The following TNPO2 variants were observed in gnomAD, a reference collection of about 807,000 sequenced individuals.
The protein encoded by TNPO2 is transportin 2.
A neutral mutation model predicts 111.1 loss-of-function variants in TNPO2; 16 were observed. That is an observed-to-expected ratio of 0.14 (90% confidence interval 0.10 to 0.22). The LOEUF is 0.22. Among genes scored for constraint, TNPO2 ranks in the 10% least tolerant of loss-of-function variants. The probability of loss-of-function intolerance (pLI) is 1.00; values close to 1 mark genes in which losing one functional copy is unlikely to be tolerated. For missense variants in TNPO2, 530 were observed against 1,173.7 expected (o/e 0.45, Z 8.01); for synonymous variants, 481 against 475.8 (o/e 1.01, Z -0.14).
At chr19:12,722,417 C>T (rs1181404947) in intron 2 of TNPO2, 1 of 150,872 alleles carries the variant, frequency 6.6e-6, no homozygotes, top group Non-Finnish European at 1.5e-5. Flanking sequence ...GCTCGGTGCC[C>T]GGCGGGGGTC....
chr19:12,711,496 A>G, intron 11 of TNPO2, 35 bp from the exon 12 acceptor site: 11 of 1,613,696 alleles, frequency 6.8e-6, no homozygotes, highest in Non-Finnish European at 9.3e-6. Flanking sequence ...TACTTTGGGG[A>G]CCACAGCCGC....
In TNPO2 at chr19:12,703,450, A is replaced by G; in HGVS notation, c.2187T>C (p.Ile729=). 1 of 1,613,884 alleles carries G rather than the reference A, an allele frequency of 6.2e-7. No individual in the cohort carries two copies. ...CACCCATCTGCATGCAGATTTCACC[A>G]ATGGCCCAGGTGGCGTTGTTGCAGA... The part of the protein sequence containing the change: ...ISVCNNATWA[I]GEICMQMGAE... The change falls in exon 20 of 26, where the codon ATT becomes ATC. Residue 729 remains isoleucine (I), a synonymous_variant. Coordinates refer to ENST00000425528, the MANE Select transcript of TNPO2 (RefSeq NM_001382241.1).
Position 12,706,182 on chromosome 19 carries a change from C to T in TNPO2, c.1668+14G>A. The T allele has an allele frequency of 6.2e-7, 1 of 1,612,498 alleles. No homozygotes were observed. The highest frequency in any genetic ancestry group is 8.5e-7 in the Non-Finnish European group (1 of 1,179,272). ...CACGGGGATCGGGAGGCGGGAGCCG[C>T]TCTGGGGTCTCACCGGCTGGTTGAG... On this transcript the variant is annotated intron_variant, in intron 15 of 25. Coordinates refer to ENST00000425528, the MANE Select transcript of TNPO2 (RefSeq NM_001382241.1). The surrounding 1 kb of genome is among the most constrained non-coding windows in gnomAD (Gnocchi z 7.0).
In TNPO2 at chr19:12,711,477, A is replaced by T; in HGVS notation, c.952-16T>A. 1 of 1,613,740 alleles carries T rather than the reference A, an allele frequency of 6.2e-7. No homozygotes were observed. The highest frequency in any genetic ancestry group is 8.5e-7 in the Non-Finnish European group (1 of 1,179,748). ...CCACATCCCCCTGGGGGACAGGCAG[A>T]CTGTTAAGTACTTTGGGGACCACAG... On this transcript the variant is annotated splice_polypyrimidine_tract_variant and intron_variant, in intron 11 of 25. Transcript: ENST00000425528.
chr19:12,713,655 G>A (rs757241108), intron 10 of TNPO2, among the ~76,000 whole-genome samples: 28 of 152,166 alleles, frequency 1.8e-4, no homozygotes, highest in Non-Finnish European at 2.9e-4. Flanking sequence ...GCAGTGAGCC[G>A]AGATTGTGCC....
intron 3 of TNPO2, among the ~76,000 whole-genome samples, chr19:12,720,353 G>A (rs965783604): frequency 1.3e-5 from 2 of 151,818 alleles, no homozygotes; most frequent in African/African-American, 4.8e-5. Context: ...GTCTGGCTCT[G>A]TCGCCCAGGG....
chr19:12,711,327 ATCG>A lies in TNPO2; in HGVS notation c.1083_1085del (p.Asp365del). On this transcript the variant is annotated inframe_deletion, in exon 12 of 26. Coordinates refer to ENST00000425528, the MANE Select transcript of TNPO2 (RefSeq NM_001382241.1). ...TCCAGTCGGACAGAGCATCATCATC[ATCG>A]TCATCCTCCGCGTCCTCGGAGCCAT... is the stretch of plus-strand genomic sequence containing the variant. 1 of 1,613,912 alleles carries A rather than the reference ATCG, an allele frequency of 6.2e-7. No homozygotes were observed. The highest frequency in any genetic ancestry group is 8.5e-7 in the Non-Finnish European group (1 of 1,179,886).
chr19:12,719,068 T>C lies in TNPO2; in HGVS notation c.286A>G (p.Asn96Asp). ...ATGAGCGAGGAGGCATCGCCAATGT[T>C]GTTGAGACACTCCTGTTTGATGAAG... ...ADFIKQECLNNIGDASSLIRA... is the reference protein window; with the variant it reads ...ADFIKQECLNDIGDASSLIRA... Residue 96 changes from asparagine (N) to aspartate (D), a missense_variant, in exon 5 of 26, where the codon AAC becomes GAC. This residue lies in a region of TNPO2 where 156 missense variants were observed against 405.8 expected (regional missense o/e 0.38). Coordinates refer to ENST00000425528, the MANE Select transcript of TNPO2 (RefSeq NM_001382241.1). This position sits in a 1 kb window ranked among gnomAD's most constrained non-coding sequence, Gnocchi z 5.0. 1 of 1,613,946 alleles carries C rather than the reference T, an allele frequency of 6.2e-7. No homozygotes were observed. The highest frequency in any genetic ancestry group is 8.5e-7 in the Non-Finnish European group (1 of 1,179,892).
Position 12,705,129 on chromosome 19 carries a change from G to T in TNPO2, c.2022+111C>A, listed in dbSNP as rs971166810. ...CCAGGATTACTCTTTAAAATAATTA[G>T]AACAGCACCTTTTCCCTGATTTCCT... is the stretch of plus-strand genomic sequence containing the variant. On this transcript the variant is annotated intron_variant, in intron 18 of 25. Transcript: ENST00000425528. The surrounding 1 kb of genome is among the most constrained non-coding windows in gnomAD (Gnocchi z 7.2). The T allele has an allele frequency of 1.8e-5, 21 of 1,164,692 alleles. No homozygotes were observed. In the African/African-American group the frequency reaches 1.8e-4, roughly 10 times the overall value. 72.1% of individuals were successfully genotyped at this position (1,164,692 alleles called of 1,614,324 possible).
At chr19:12,704,676 ATTTTC>A (rs1345725260) in intron 18 of TNPO2, among the ~76,000 whole-genome samples, 5 of 133,372 alleles carry the variant, frequency 3.7e-5, no homozygotes, top group East Asian at 2.2e-4. Flanking sequence ...CACATTTTCT[ATTTTC>A]TTTTCTTTCT....
chr19:12,710,896 TTTG>T, intron 12 of TNPO2, 123 bp from the exon 13 acceptor site: 2 of 1,103,334 alleles, frequency 1.8e-6, no homozygotes, highest in Non-Finnish European at 1.2e-6. Flanking sequence ...CTTCTTTTTT[TTTG>T]TTTTGTTTTT....
chr19:12,716,825 A>T (rs1268259721), intron 5 of TNPO2, among the ~76,000 whole-genome samples: 1 of 152,082 alleles, frequency 6.6e-6, no homozygotes, highest in African/African-American at 2.4e-5. Context: ...CGAGGGAGGA[A>T]TCATCCAGGT....
chr19:12,715,548 G>C lies in TNPO2; in HGVS notation c.433-10C>G. 1.2e-6 allele frequency: 2 copies of C among 1,613,892 alleles called. No homozygotes were observed. Among genetic ancestry groups the C allele is most frequent in the Non-Finnish European group, 8.5e-7 (1 of 1,179,796 alleles). Reference sequence around the variant, plus strand: ...GGGCTCCAAAGGCTCCCTGAGTGCAGAGGGGCAGAGAGACAAACGTGGGTG... The same window carrying C: ...GGGCTCCAAAGGCTCCCTGAGTGCACAGGGGCAGAGAGACAAACGTGGGTG... On this transcript the variant is annotated splice_polypyrimidine_tract_variant and intron_variant, in intron 6 of 25. Transcript: ENST00000425528. This position sits in a 1 kb window ranked among gnomAD's most constrained non-coding sequence, Gnocchi z 7.1.
chr19:12,708,700 G>A lies in TNPO2; in HGVS notation c.1271-1905C>T, dbSNP rs138807916. Among the ~76,000 whole-genome samples, 919 of 151,586 alleles carry A rather than the reference G, an allele frequency of 6.1e-3. 10 individuals are homozygous for A. Among genetic ancestry groups the A allele is most frequent in the African/African-American group, 0.021 (877 of 41,258 alleles). ...TGACCAACACAGTGAAAGAAACCCC[G>A]TCTCTGCTAAAAATACAAAAATCAG... On this transcript the variant is annotated intron_variant, in intron 13 of 25. Coordinates refer to ENST00000425528, the MANE Select transcript of TNPO2 (RefSeq NM_001382241.1).
Position 12,702,765 on chromosome 19 carries a change from G to T in TNPO2, c.2305+58C>A. On this transcript the variant is annotated intron_variant, in intron 21 of 25. Transcript: ENST00000425528. The surrounding 1 kb of genome is among the most constrained non-coding windows in gnomAD (Gnocchi z 5.5). ...TCTTTCTGATGCCCTTCCCAGCCCA[G>T]AACCCCACCTCCAGAAGGCAGGCAG... The T allele has an allele frequency of 6.6e-7, 1 of 1,525,240 alleles. No homozygotes were observed. Among genetic ancestry groups the T allele is most frequent in the Non-Finnish European group, 9.1e-7 (1 of 1,101,288 alleles). 94.5% of individuals were successfully genotyped at this position (1,525,240 alleles called of 1,614,324 possible).
Position 12,714,937 on chromosome 19 carries a change from G to A in TNPO2, c.774C>T (p.Tyr258=), listed in dbSNP as rs370213158. The stretch of plus-strand genomic sequence containing the variant: ...CATGGTCCTGGGTCCTCTGCAGCAT[G>A]TACTGTGGTAGGGGGGAGAAGCTGA... ...LIPHMHSIIQ[Y]MLQRTQDHDE... Residue 258 remains tyrosine (Y), a splice_region_variant and synonymous_variant, in exon 10 of 26, where the codon TAC becomes TAT. Transcript: ENST00000425528. 4 of 1,611,030 alleles carry A rather than the reference G, an allele frequency of 2.5e-6. No homozygotes were observed. The highest frequency in any genetic ancestry group is 3.4e-6 in the Non-Finnish European group (4 of 1,178,746).
chr19:12,713,908 T>A (rs2145571582), intron 10 of TNPO2, among the ~76,000 whole-genome samples: 1 of 152,100 alleles, frequency 6.6e-6, no homozygotes, highest in Admixed American at 6.6e-5. Context: ...GATGTGCCTG[T>A]AATCCCAGCT....
rs774944856 is a variant in TNPO2, at chr19:12,705,657, G to A, written c.1755+25C>T. ...AGGCAGGGTGGGCAGGATGGGTTTC[G>A]GGTGAGGGGCAGGAGCCCACTCACC... On this transcript the variant is annotated intron_variant, in intron 16 of 25. Coordinates refer to ENST00000425528, the MANE Select transcript of TNPO2 (RefSeq NM_001382241.1). The surrounding 1 kb of genome is among the most constrained non-coding windows in gnomAD (Gnocchi z 7.2). 111 of 1,557,894 alleles carry A rather than the reference G, an allele frequency of 7.1e-5. 1 individual carries two copies. Among genetic ancestry groups the A allele is most frequent in the South Asian group, 4.5e-4 (38 of 84,782 alleles).
intron 5 of TNPO2, among the ~76,000 whole-genome samples, chr19:12,718,014 G>T (rs2026459281): frequency 6.6e-6 from 1 of 150,888 alleles, no homozygotes; most frequent in Admixed American, 6.6e-5. Flanking sequence ...ATTTTATTTA[G>T]TTTTTTTTGA....
Sources: gnomAD v4.1 joint callset for allele counts (sites outside exome capture counted in the v4.1 genomes callset) on GRCh38, gnomAD v4.1.1 for gene constraint, gnomAD v4.1.1 regional missense constraint, Gnocchi (gnomAD v3.1) non-coding constraint, MANE v1.5 for transcripts, NCBI Gene and HGNC (gene_info 2026-07-23, HGNC 2026-07-21) for gene names.